Variants in ACADL observed in about 807,000 individuals in gnomAD.
ACADL encodes long-chain specific acyl-CoA dehydrogenase, mitochondrial.
In ACADL, 60 loss-of-function variants were observed where a neutral mutation model predicts 56.9. The ratio of observed to expected loss-of-function variants is 1.05; its 90% CI spans 0.86 to 1.31. The LOEUF is 1.31. Among genes scored for constraint, ACADL ranks in the 50% most tolerant of loss-of-function variants. ACADL has a pLI of 0.00. For missense variants in ACADL, 484 were observed against 525.5 expected (o/e 0.92, Z 0.77); for synonymous variants, 158 against 179.7 (o/e 0.88, Z 0.97).
chr2:210,195,654 C>T (rs1294932840), intron 8 of ACADL, among the ~76,000 whole-genome samples: 2 of 152,116 alleles, frequency 1.3e-5, no homozygotes, highest in Non-Finnish European at 2.9e-5. Context: ...TGTGTGAGCA[C>T]CATCTTGTGG....
intron 5 of ACADL, among the ~76,000 whole-genome samples, chr2:210,207,199 T>C (rs1203605925): frequency 6.6e-6 from 1 of 152,218 alleles, no homozygotes; most frequent in African/African-American, 2.4e-5. Flanking sequence ...TCTACAGCTG[T>C]ATCATTCATC....
chr2:210,203,227 A>G (rs1278724516), intron 8 of ACADL, 104 bp downstream of exon 8: 1 of 785,196 alleles, frequency 1.3e-6, no homozygotes, highest in Non-Finnish European at 2.2e-6. Flanking sequence ...CATGGTTTCT[A>G]ATATCACCTT....
In ACADL at chr2:210,187,952, ATTAC is replaced by A. The variant is rs1688573330; in HGVS notation, c.*1005_*1008del. On this transcript the variant is annotated 3_prime_UTR_variant, in exon 11 of 11. Transcript: ENST00000233710. ...TTAAATTAATGGTTTATTTTTTGTA[ATTAC>A]TTTTAAGTCTTAAATCAAATGTCAT... 6.6e-6 allele frequency: 1 copy of A among 152,150 alleles called. No individual in the cohort carries two copies. Among genetic ancestry groups the A allele is most frequent in the African/African-American group, 2.4e-5 (1 of 41,444 alleles). 9.4% of individuals were successfully genotyped at this position (152,150 alleles called of 1,614,324 possible). A position where few individuals can be genotyped will look rare whatever the true frequency, so the allele number is the denominator to read the frequency against.
At chr2:210,196,616 T>G (rs1321270301) in intron 8 of ACADL, among the ~76,000 whole-genome samples, 2 of 152,174 alleles carry the variant, frequency 1.3e-5, no homozygotes, top group African/African-American at 4.8e-5. Context: ...CTCAGGAAAT[T>G]GGCTTGAACT....
At chr2:210,223,809 T>A (rs1010655045) in intron 1 of ACADL, among the ~76,000 whole-genome samples, 2 of 152,210 alleles carry the variant, frequency 1.3e-5, no homozygotes, top group Admixed American at 6.5e-5. Context: ...TAACATGTAA[T>A]GAGCTTCTTA....
rs189005951 is a variant in ACADL, at chr2:210,187,962, A to G, written c.*999T>C. The G allele has an allele frequency of 6.6e-6, 1 of 152,210 alleles. No homozygotes were observed. Among genetic ancestry groups the G allele is most frequent in the African/African-American group, 2.4e-5 (1 of 41,466 alleles). The allele number at this position is 152,210 out of a possible 1,614,324, so 9.4% of individuals were successfully genotyped here. A position where few individuals can be genotyped will look rare whatever the true frequency, so the allele number is the denominator to read the frequency against. ...GGTTTATTTTTTGTAATTACTTTTA[A>G]GTCTTAAATCAAATGTCATTTCCTC... On this transcript the variant is annotated 3_prime_UTR_variant, in exon 11 of 11. Transcript: ENST00000233710.
chr2:210,193,148 A>C (rs1268929444), intron 9 of ACADL, among the ~76,000 whole-genome samples: 2 of 152,200 alleles, frequency 1.3e-5, no homozygotes, highest in Admixed American at 1.3e-4. Context: ...AAAGGTAGAA[A>C]ACTCAGATGA....
rs1689099240 is a variant in ACADL, at chr2:210,217,017, T to TAC, written c.372-508_372-507dup. On this transcript the variant is annotated intron_variant, in intron 3 of 10. Coordinates refer to ENST00000233710, the MANE Select transcript of ACADL (RefSeq NM_001608.4). ...TTTTCTTTTAAAATTATGACACACA[T>TAC]ACACACACACAAATAAAAATTTAAA... Among the ~76,000 whole-genome samples, 3 of 151,784 alleles carry TAC rather than the reference T, an allele frequency of 2.0e-5. No homozygotes were observed. The South Asian group carries it at 6.2e-4, about 32-fold the overall frequency.
intron 5 of ACADL, among the ~76,000 whole-genome samples, chr2:210,208,129 T>A (rs1371250938): frequency 8.5e-5 from 13 of 152,226 alleles, no homozygotes; most frequent in Admixed American, 8.5e-4. Flanking sequence ...TTTTGTTTGT[T>A]TTGCATCACA....
chr2:210,219,931 A>G (rs1410582186), intron 2 of ACADL, among the ~76,000 whole-genome samples: 1 of 152,158 alleles, frequency 6.6e-6, no homozygotes, highest in African/African-American at 2.4e-5. Flanking sequence ...GGCCTAAACT[A>G]TGGGGTTTAG....
At chr2:210,218,897 C>A (rs1689133278) in intron 2 of ACADL, among the ~76,000 whole-genome samples, 1 of 152,140 alleles carries the variant, frequency 6.6e-6, no homozygotes, top group South Asian at 2.1e-4. Context: ...GGCTCTATAT[C>A]AAATTAACTT....
chr2:210,203,330 C>T lies in ACADL; in HGVS notation c.984+1G>A. On this transcript the variant is annotated splice_donor_variant, in intron 8 of 10. Coordinates refer to ENST00000233710, the MANE Select transcript of ACADL (RefSeq NM_001608.4). LOFTEE classifies it high-confidence loss of function. ...ATACTAAACCACAGTGACAAGCTTACCTGTAGGTGAGCAACTGTTTTGCCA... is the reference window on the plus strand; with the variant it reads ...ATACTAAACCACAGTGACAAGCTTATCTGTAGGTGAGCAACTGTTTTGCCA... 1 of 1,605,254 alleles carries T rather than the reference C, an allele frequency of 6.2e-7. No individual in the cohort carries two copies. The highest frequency in any genetic ancestry group is 8.5e-7 in the Non-Finnish European group (1 of 1,172,386).
Position 210,218,009 on chromosome 2 carries a change from TCCA to T in ACADL, c.324_326del (p.Gly109del). The T allele has an allele frequency of 6.2e-7, 1 of 1,614,028 alleles. No individual in the cohort carries two copies. Among genetic ancestry groups the T allele is most frequent in the Non-Finnish European group, 8.5e-7 (1 of 1,179,990 alleles). ...CTGCGGAGTACAGATCCCCTCCAAT[TCCA>T]CCAAGATGCTCTGCAATATTGACAC... On this transcript the variant is annotated inframe_deletion, in exon 3 of 11. Coordinates refer to ENST00000233710, the MANE Select transcript of ACADL (RefSeq NM_001608.4).
intron 6 of ACADL, among the ~76,000 whole-genome samples, chr2:210,205,127 A>T (rs1272852760): frequency 6.6e-6 from 1 of 152,128 alleles, no homozygotes; most frequent in South Asian, 2.1e-4. Flanking sequence ...CCTGGGTTCA[A>T]GTGATTCTCC....
At chr2:210,221,333 C>G (rs1379849893) in intron 1 of ACADL, among the ~76,000 whole-genome samples, 1 of 152,134 alleles carries the variant, frequency 6.6e-6, no homozygotes, top group Non-Finnish European at 1.5e-5. Context: ...ACCCATCAAT[C>G]TCTGATAAAG....
At chr2:210,201,505 C>G (rs934088804) in intron 8 of ACADL, among the ~76,000 whole-genome samples, 3 of 152,046 alleles carry the variant, frequency 2.0e-5, no homozygotes, top group Admixed American at 6.6e-5. Context: ...AAATAGGAAA[C>G]TATTTTTGAG....
chr2:210,219,393 G>A (rs1415586217), intron 2 of ACADL, among the ~76,000 whole-genome samples: 1 of 152,126 alleles, frequency 6.6e-6, no homozygotes, highest in African/African-American at 2.4e-5. Context: ...GAGCCCAGAA[G>A]TTCAAGGCTG....
At chr2:210,225,134 C>T (rs991407845) in intron 1 of ACADL, 53 bp downstream of exon 1, 106 of 1,527,376 alleles carry the variant, frequency 6.9e-5, no homozygotes, top group Non-Finnish European at 2.0e-5. Flanking sequence ...GACTCGCTGC[C>T]CCACCCCACA....
intron 7 of ACADL, 72 bp from the exon 8 acceptor site, chr2:210,203,516 A>G (rs1688832919): frequency 1.2e-6 from 1 of 869,286 alleles, no homozygotes; most frequent in South Asian, 1.5e-5. Flanking sequence ...TTCAATTACG[A>G]TAAATCCTAT....
Sources: gnomAD v4.1 joint callset for allele counts (sites outside exome capture counted in the v4.1 genomes callset) on GRCh38, gnomAD v4.1.1 for gene constraint, MANE v1.5 for transcripts, NCBI Gene and HGNC (gene_info 2026-07-23, HGNC 2026-07-21) for gene names.